The following POU6F2 variants were observed in gnomAD, a reference collection of about 807,000 sequenced individuals.
POU6F2 encodes the protein POU domain, class 6, transcription factor 2.
Under a neutral mutation model 71.3 loss-of-function variants are expected in POU6F2, and 31 were observed. The ratio of observed to expected loss-of-function variants is 0.43; its 90% CI spans 0.33 to 0.59. The LOEUF (loss-of-function observed/expected upper bound fraction) is 0.59. Among genes scored for constraint, POU6F2 ranks in the 20% least tolerant of loss-of-function variants. POU6F2 has a pLI of 0.04. For synonymous variants in POU6F2, 347 were observed against 355.7 expected, an observed-to-expected ratio of 0.98 and a Z score of 0.27; for missense variants, 783 against 856.8, an observed-to-expected ratio of 0.91 and a Z score of 1.07.
intron 4 of POU6F2, among the ~76,000 whole-genome samples, chr7:39,220,484 A>G (rs1390766287): frequency 6.6e-6 from 1 of 152,202 alleles, no homozygotes. Context: ...GGGACCAGAT[A>G]AGGCATTTAT....
At position 38,991,252 on chromosome 7, in the gene POU6F2, C is replaced by A. The variant is rs140035442; in HGVS notation, c.105+13194C>A. 5.9e-3 allele frequency among the ~76,000 whole-genome samples: 892 copies of A among 152,158 alleles called. 3 individuals carry two copies. The highest frequency in any genetic ancestry group is 8.9e-3 in the Non-Finnish European group (605 of 67,978). On this transcript the variant is annotated intron_variant, in intron 1 of 9. Transcript: ENST00000518318. ...ACAATAATAAAAAGATAAATACATG[C>A]CTCATGCACTCATTTTATTCTATTA...
chr7:39,380,147 T>C (rs554172587), intron 5 of POU6F2, among the ~76,000 whole-genome samples: 20 of 152,334 alleles, frequency 1.3e-4, no homozygotes, highest in Admixed American at 1.2e-3. Context: ...CATGGCTCCA[T>C]TTAATTTGAG....
chr7:39,008,956 T>C (rs1041117852), intron 1 of POU6F2, among the ~76,000 whole-genome samples: 1 of 152,124 alleles, frequency 6.6e-6, no homozygotes, highest in Admixed American at 6.5e-5. Flanking sequence ...TCAGGTAGCA[T>C]GATGCCTCCA....
intron 2 of POU6F2, among the ~76,000 whole-genome samples, chr7:39,200,932 C>T (rs1793886412): frequency 6.6e-6 from 1 of 151,538 alleles, no homozygotes; most frequent in Non-Finnish European, 1.5e-5. Flanking sequence ...AAGGCTGAAG[C>T]AGGAGGATTG....
At chr7:39,392,700 A>G (rs1431923793) in intron 5 of POU6F2, among the ~76,000 whole-genome samples, 1 of 152,144 alleles carries the variant, frequency 6.6e-6, no homozygotes, top group Non-Finnish European at 1.5e-5. Context: ...AACCTTCTCA[A>G]TTTACGGACA....
At chr7:39,237,667 T>C (rs1007095662) in intron 4 of POU6F2, among the ~76,000 whole-genome samples, 2 of 152,168 alleles carry the variant, frequency 1.3e-5, no homozygotes, top group Admixed American at 1.3e-4. Context: ...CAACAGTTAG[T>C]GTATTTCAAC....
At chr7:38,999,213 T>C (rs1409542483) in intron 1 of POU6F2, among the ~76,000 whole-genome samples, 1 of 152,112 alleles carries the variant, frequency 6.6e-6, no homozygotes, top group Non-Finnish European at 1.5e-5. Flanking sequence ...GAGGGAGAAA[T>C]TCCCTCAGTC....
intron 2 of POU6F2, among the ~76,000 whole-genome samples, chr7:39,175,300 C>T (rs1220231787): frequency 6.6e-6 from 1 of 152,176 alleles, no homozygotes; most frequent in Admixed American, 6.5e-5. Flanking sequence ...TCAGACATCC[C>T]AGTAGGCACC....
chr7:39,240,308 C>T (rs1297562450), intron 4 of POU6F2, among the ~76,000 whole-genome samples: 2 of 152,072 alleles, frequency 1.3e-5, no homozygotes, highest in Non-Finnish European at 2.9e-5. Context: ...TAAAAATAAT[C>T]TAAAGAACTT....
intron 3 of POU6F2, among the ~76,000 whole-genome samples, chr7:39,207,175 C>A (rs1462200298): frequency 6.6e-6 from 1 of 151,990 alleles, no homozygotes; most frequent in Non-Finnish European, 1.5e-5. Context: ...GAGTTCCTCA[C>A]AAGAAGTCCA....
chr7:39,354,036 G>A (rs549900055), intron 5 of POU6F2, among the ~76,000 whole-genome samples: 3 of 152,194 alleles, frequency 2.0e-5, no homozygotes, highest in Non-Finnish European at 2.9e-5. Flanking sequence ...CGCTCCAGGC[G>A]GCCCGGCAGG....
intron 2 of POU6F2, among the ~76,000 whole-genome samples, chr7:39,131,536 A>G (rs1039818663): frequency 2.6e-5 from 4 of 152,140 alleles, no homozygotes; most frequent in Admixed American, 2.0e-4. Context: ...CTTTAAGAAG[A>G]GCCCTTGATT....
chr7:39,056,658 C>G lies in POU6F2; in HGVS notation c.106-29202C>G, dbSNP rs931353769. 1.7e-4 allele frequency among the ~76,000 whole-genome samples: 22 copies of G among 127,774 alleles called. 1 individual carries two copies. Among genetic ancestry groups the G allele is most frequent in the African/African-American group, 5.8e-4 (19 of 32,586 alleles). The allele number at this position is 127,774 out of a possible 152,430, so 83.8% of individuals were successfully genotyped here. On this transcript the variant is annotated intron_variant, in intron 1 of 9. Transcript: ENST00000518318. ...TCTCTCTTTCTCTTTTTCTCTCTCTCTCTCTGTGTGTGTGTGTGTATGTGT... is the reference window on the plus strand; with the variant it reads ...TCTCTCTTTCTCTTTTTCTCTCTCTGTCTCTGTGTGTGTGTGTGTATGTGT...
intron 6 of POU6F2, among the ~76,000 whole-genome samples, chr7:39,429,874 C>A (rs1297460543): frequency 6.6e-6 from 1 of 152,188 alleles, no homozygotes; most frequent in Non-Finnish European, 1.5e-5. Flanking sequence ...GATGCAAATA[C>A]TTCCCTTGAA....
At chr7:39,075,136 T>C (rs949706622) in intron 1 of POU6F2, among the ~76,000 whole-genome samples, 2 of 152,178 alleles carry the variant, frequency 1.3e-5, no homozygotes, top group Non-Finnish European at 1.5e-5. Flanking sequence ...GGCATCTCTT[T>C]GGAGCTAGAC....
intron 6 of POU6F2, among the ~76,000 whole-genome samples, chr7:39,422,740 T>A (rs2190891): frequency 6.6e-6 from 1 of 151,984 alleles, no homozygotes; most frequent in South Asian, 2.1e-4. Context: ...TCAATTTATG[T>A]CCTTAGAGAC....
At chr7:39,440,850 G>A (rs371846221) in intron 7 of POU6F2, among the ~76,000 whole-genome samples, 12 of 152,106 alleles carry the variant, frequency 7.9e-5, no homozygotes, top group East Asian at 1.9e-4. Context: ...GCTGCTGATC[G>A]TTGGAGGGTT....
intron 2 of POU6F2, among the ~76,000 whole-genome samples, chr7:39,195,405 T>C (rs1247080248): frequency 6.6e-6 from 1 of 152,236 alleles, no homozygotes; most frequent in African/African-American, 2.4e-5. Context: ...TTAAATCATA[T>C]TCTGCATGAC....
At chr7:39,304,707 C>A (rs1304426113) in intron 4 of POU6F2, among the ~76,000 whole-genome samples, 1 of 152,184 alleles carries the variant, frequency 6.6e-6, no homozygotes, top group Non-Finnish European at 1.5e-5. Flanking sequence ...AGTACGCACA[C>A]ACAGCATTCC....
Sources: allele counts gnomAD v4.1 joint callset (sites outside exome capture counted in the v4.1 genomes callset), GRCh38; gene constraint gnomAD v4.1.1; transcripts MANE v1.5; gene names NCBI Gene and HGNC (gene_info 2026-07-23, HGNC 2026-07-21).